The following AFF3 variants were observed in gnomAD, a reference collection of about 807,000 sequenced individuals.
AFF3 encodes ALF transcription elongation factor 3.
A neutral mutation model predicts 129.7 loss-of-function variants in AFF3; 32 were observed. The ratio of observed to expected loss-of-function variants is 0.25; its 90% CI spans 0.19 to 0.33. The LOEUF (loss-of-function observed/expected upper bound fraction) is 0.33, where lower values mean the gene tolerates loss of function less well. Among genes scored for constraint, AFF3 ranks in the 10% least tolerant of loss-of-function variants. The pLI is 1.00. For missense variants in AFF3, 1,373 were observed against 1,592.0 expected (o/e 0.86, Z 2.34); for synonymous variants, 644 against 635.4 (o/e 1.01, Z -0.20).
intron 1 of AFF3, among the ~76,000 whole-genome samples, 194 bp downstream of exon 1, chr2:100,142,290 T>G (rs557394783): frequency 6.6e-5 from 10 of 151,716 alleles, no homozygotes; most frequent in Non-Finnish European, 1.2e-4. Context: ...ATCTCTTCCT[T>G]CTCAATCCCT....
intron 7 of AFF3, among the ~76,000 whole-genome samples, chr2:99,874,503 T>C (rs557693146): frequency 6.6e-6 from 1 of 152,266 alleles, no homozygotes; most frequent in East Asian, 1.9e-4. Flanking sequence ...GGGAACTGAT[T>C]TGGGGGGTTG....
Position 100,118,618 on chromosome 2 carries a change from G to C in AFF3, c.-145+10606C>G, listed in dbSNP as rs561674637. 2.5e-4 allele frequency among the ~76,000 whole-genome samples: 38 copies of C among 152,086 alleles called. 3 individuals are homozygous for C. In the South Asian group the frequency reaches 7.5e-3, roughly 30 times the overall value. On this transcript the variant is annotated intron_variant, in intron 2 of 24. Transcript: ENST00000672756. ...ATTTTAGATTGAAAATGGTTATAAT[G>C]ATGGGATTTTTTTTTTCTGGTCGTT...
At chr2:99,960,140 A>C (rs567308431) in intron 7 of AFF3, among the ~76,000 whole-genome samples, 4 of 152,304 alleles carry the variant, frequency 2.6e-5, no homozygotes, top group African/African-American at 9.6e-5. Context: ...CCTGCTACTT[A>C]AGATTATTCA....
chr2:99,622,903 C>T lies in AFF3; in HGVS notation c.1185-21282G>A, dbSNP rs113578554. ...ACAGTCCTTGCCGACAGGGAGCTCC[C>T]GGTGGAAGCTCTGGTTCATGTCTTT... is the stretch of plus-strand genomic sequence containing the variant. On this transcript the variant is annotated intron_variant, in intron 13 of 24. Coordinates refer to ENST00000672756, the MANE Select transcript of AFF3 (RefSeq NM_001386135.1). Among the ~76,000 whole-genome samples the T allele has an allele frequency of 2.5e-3, 379 of 152,324 alleles. 1 individual carries two copies. Among genetic ancestry groups the T allele is most frequent in the African/African-American group, 8.7e-3 (360 of 41,572 alleles).
intron 7 of AFF3, among the ~76,000 whole-genome samples, chr2:99,900,886 C>A (rs761469084): frequency 6.6e-6 from 1 of 152,188 alleles, no homozygotes; most frequent in African/African-American, 2.4e-5. Context: ...AATTCCGTGA[C>A]GGCAGGTTGC....
intron 10 of AFF3, among the ~76,000 whole-genome samples, chr2:99,736,288 T>A (rs1680249593): frequency 6.6e-6 from 1 of 152,232 alleles, no homozygotes; most frequent in Non-Finnish European, 1.5e-5. Context: ...AGCTTTGCTA[T>A]TTGGAATTTA....
rs1045448567 is a variant in AFF3, at chr2:100,008,698, A to G, written c.174+114T>C. On this transcript the variant is annotated intron_variant, in intron 5 of 24. Transcript: ENST00000672756. The stretch of plus-strand genomic sequence containing the variant: ...GGCTGAGCTGTCTTCCCTGGGCTGA[A>G]CAGACAGAAGATGCAGTCAAGTTTG... 9.1e-6 allele frequency: 12 copies of G among 1,319,482 alleles called. No individual in the cohort carries two copies. In the African/African-American group the frequency reaches 1.8e-4, roughly 19 times the overall value. 81.7% of individuals were successfully genotyped at this position (1,319,482 alleles called of 1,614,324 possible). A position where few individuals can be genotyped will look rare whatever the true frequency, so the allele number is the denominator to read the frequency against.
At chr2:100,075,011 T>C (rs1285328445) in intron 4 of AFF3, among the ~76,000 whole-genome samples, 1 of 152,164 alleles carries the variant, frequency 6.6e-6, no homozygotes, top group Non-Finnish European at 1.5e-5. Context: ...AAACAGAGCA[T>C]GTACTTAGAT....
intron 2 of AFF3, among the ~76,000 whole-genome samples, chr2:100,122,801 G>T (rs1030355652): frequency 6.6e-6 from 1 of 152,138 alleles, no homozygotes; most frequent in East Asian, 1.9e-4. Context: ...ATGCATACTG[G>T]CAATGAGAGA....
chr2:99,640,677 T>C (rs1684112340), intron 13 of AFF3, among the ~76,000 whole-genome samples: 1 of 152,154 alleles, frequency 6.6e-6, no homozygotes, highest in Non-Finnish European at 1.5e-5. Flanking sequence ...GTGGCATAAT[T>C]TGTATTCTTG....
chr2:99,761,112 C>T (rs923486527), intron 8 of AFF3, among the ~76,000 whole-genome samples: 1 of 151,752 alleles, frequency 6.6e-6, no homozygotes, highest in African/African-American at 2.4e-5. Flanking sequence ...ACGTATCTGC[C>T]TCAACACAGC....
intron 22 of AFF3, 43 bp from the exon 23 acceptor site, chr2:99,554,775 G>T: frequency 6.2e-7 from 1 of 1,610,622 alleles, no homozygotes; most frequent in Non-Finnish European, 8.5e-7. Flanking sequence ...CCATCTGCGT[G>T]AGGTGAAACA....
chr2:99,944,299 A>G (rs1390321931), intron 7 of AFF3, among the ~76,000 whole-genome samples: 1 of 152,244 alleles, frequency 6.6e-6, no homozygotes, highest in Non-Finnish European at 1.5e-5. Flanking sequence ...TTAATGTCAG[A>G]TAACATGTAT....
chr2:99,562,200 T>C (rs1237694707), intron 20 of AFF3, among the ~76,000 whole-genome samples: 2 of 152,254 alleles, frequency 1.3e-5, no homozygotes, highest in Non-Finnish European at 2.9e-5. Flanking sequence ...TAGGTTTATG[T>C]CTTTTGACAA....
At chr2:99,948,105 C>G (rs540758923) in intron 7 of AFF3, among the ~76,000 whole-genome samples, 74 of 152,246 alleles carry the variant, frequency 4.9e-4, no homozygotes, top group African/African-American at 1.5e-3. Flanking sequence ...CTTAGGGGAG[C>G]CTCCTTCAGG....
intron 13 of AFF3, among the ~76,000 whole-genome samples, chr2:99,608,549 G>A (rs2105172105): frequency 6.6e-6 from 1 of 152,304 alleles, no homozygotes; most frequent in East Asian, 1.9e-4. Context: ...GGCCACGCAA[G>A]TAGCATCCAT....
chr2:99,892,078 T>C (rs1693606297), intron 7 of AFF3, among the ~76,000 whole-genome samples: 1 of 152,152 alleles, frequency 6.6e-6, no homozygotes, highest in African/African-American at 2.4e-5. Context: ...CGCCTTGGCC[T>C]CCCAAAGTGC....
chr2:99,905,568 T>C (rs1385793768), intron 7 of AFF3, among the ~76,000 whole-genome samples: 1 of 152,206 alleles, frequency 6.6e-6, no homozygotes, highest in African/African-American at 2.4e-5. Flanking sequence ...CCCTTTGCTC[T>C]CCTGTGTTTA....
chr2:99,675,209 T>C (rs554243916), intron 11 of AFF3, among the ~76,000 whole-genome samples: 7 of 152,354 alleles, frequency 4.6e-5, no homozygotes, highest in Admixed American at 1.3e-4. Flanking sequence ...ACAAATCACA[T>C]GTAAAAATAC....
Sources: gnomAD v4.1 joint callset for allele counts (sites outside exome capture counted in the v4.1 genomes callset) on GRCh38, gnomAD v4.1.1 for gene constraint, MANE v1.5 for transcripts, NCBI Gene and HGNC (gene_info 2026-07-23, HGNC 2026-07-21) for gene names.